RCN2: variants seen among roughly 807,000 people sequenced by gnomAD.
RCN2 encodes reticulocalbin 2.
Under a neutral mutation model 37.5 loss-of-function variants are expected in RCN2, and 23 were observed. That is an observed-to-expected ratio of 0.61 (90% CI 0.44 to 0.87). The LOEUF is 0.87. Ranked by LOEUF, RCN2 falls within the 40% of genes least tolerant of loss-of-function variation. RCN2 has a pLI of 0.00. For missense variants in RCN2, 381 were observed against 390.4 expected (o/e 0.98, Z 0.20); for synonymous variants, 140 against 144.6 (o/e 0.97, Z 0.23).
intron 2 of RCN2, among the ~76,000 whole-genome samples, chr15:76,933,307 A>G (rs748729860): frequency 6.6e-6 from 1 of 152,222 alleles, no homozygotes; most frequent in East Asian, 1.9e-4. Context: ...GCTGTTCACC[A>G]TCAAGGAATT....
intron 2 of RCN2, among the ~76,000 whole-genome samples, chr15:76,932,853 T>C (rs1281424713): frequency 2.0e-5 from 3 of 152,206 alleles, no homozygotes; most frequent in African/African-American, 7.2e-5. Flanking sequence ...ATTTGCTTCT[T>C]TTTTTAAGCA....
Position 76,948,033 on chromosome 15 carries a change from T to C in RCN2, c.659-377T>C, listed in dbSNP as rs189349141. The stretch of plus-strand genomic sequence containing the variant: ...GGTCACCAGTTTTACTTATTCTGAT[T>C]GTCACTTTAAAATTACACATGGCAT... On this transcript the variant is annotated intron_variant, in intron 5 of 6. Transcript: ENST00000394885. The C allele has an allele frequency of 2.6e-4, 43 of 164,766 alleles. No individual in the cohort carries two copies. In the East Asian group the frequency reaches 7.5e-3, roughly 29 times the overall value. The allele number at this position is 164,766 out of a possible 1,614,324, so 10.2% of individuals were successfully genotyped here.
Position 76,953,760 on chromosome 15 carries a change from AC to A in RCN2, c.*4540del, listed in dbSNP as rs1286129593. ...GTAGCTGGGACTATAGGCGCCTGCC[AC>A]CGCACCCGGCTAATTTTTTGTATTT... On this transcript the variant is annotated 3_prime_UTR_variant, in exon 7 of 7. Coordinates refer to ENST00000394885, the MANE Select transcript of RCN2 (RefSeq NM_002902.3). 6 of 39,998 alleles carry A rather than the reference AC, an allele frequency of 1.5e-4. No homozygotes were observed. The highest frequency in any genetic ancestry group is 6.0e-4 in the Non-Finnish European group (5 of 8,282). 2.5% of individuals were successfully genotyped at this position (39,998 alleles called of 1,614,324 possible).
chr15:76,943,724 G>A (rs886845272), intron 3 of RCN2, 34 bp from the exon 4 acceptor site: 2 of 1,087,578 alleles, frequency 1.8e-6, no homozygotes, highest in African/African-American at 1.6e-5. Context: ...TTAAAATGAT[G>A]TGGTATACTA....
At chr15:76,947,742 TC>T (rs2075302570) in intron 5 of RCN2, 2 of 437,416 alleles carry the variant, frequency 4.6e-6, no homozygotes, top group Non-Finnish European at 8.0e-6. Flanking sequence ...CAAACATTTT[TC>T]TTTCTTTTCA....
At chr15:76,941,714 C>T in intron 3 of RCN2, 2 of 1,269,928 alleles carry the variant, frequency 1.6e-6, no homozygotes, top group South Asian at 1.7e-5. Flanking sequence ...ATTTTGTGTT[C>T]TTCAAATGGC....
rs2075308008 is a variant in RCN2, at chr15:76,949,069, G to A, written c.802-1G>A. On this transcript the variant is annotated splice_acceptor_variant, in intron 6 of 6. Coordinates refer to ENST00000394885, the MANE Select transcript of RCN2 (RefSeq NM_002902.3). LOFTEE classifies it high-confidence loss of function. ...TGACACTTTTTTGTTTTATTTTGAA[G>A]GCGCTTCATCTAATTGATGAAATGG... 1 of 1,585,806 alleles carries A rather than the reference G, an allele frequency of 6.3e-7. No homozygotes were observed. The highest frequency in any genetic ancestry group is 1.4e-5 in the African/African-American group (1 of 73,186).
chr15:76,940,926 A>G (rs2075274486), intron 3 of RCN2, among the ~76,000 whole-genome samples: 1 of 152,194 alleles, frequency 6.6e-6, no homozygotes, highest in Non-Finnish European at 1.5e-5. Context: ...TCAGGCTGTG[A>G]AATGCCTGAA....
At chr15:76,934,362 G>C (rs1198622087) in intron 2 of RCN2, among the ~76,000 whole-genome samples, 1 of 151,842 alleles carries the variant, frequency 6.6e-6, no homozygotes, top group Admixed American at 6.6e-5. Context: ...GGCTGGTCTC[G>C]AAATCCTGAC....
chr15:76,940,703 C>T (rs2075273646), intron 3 of RCN2, among the ~76,000 whole-genome samples: 1 of 151,414 alleles, frequency 6.6e-6, no homozygotes, highest in South Asian at 2.1e-4. Flanking sequence ...CACGTGCCAC[C>T]ATACCTGGCT....
In RCN2 at chr15:76,932,001, C is replaced by T; in HGVS notation, c.144+16C>T. ...GGGCGTCCAGGTGAGGCGGCCAGGCCGGTGCTGGGAGGGCCGGGCCTCGCA... is the reference window on the plus strand; with the variant it reads ...GGGCGTCCAGGTGAGGCGGCCAGGCTGGTGCTGGGAGGGCCGGGCCTCGCA... On this transcript the variant is annotated intron_variant, in intron 1 of 6. Transcript: ENST00000394885. The T allele has an allele frequency of 8.0e-7, 1 of 1,256,382 alleles. No individual in the cohort carries two copies. The highest frequency in any genetic ancestry group is 1.0e-6 in the Non-Finnish European group (1 of 1,004,930). 77.8% of individuals were successfully genotyped at this position (1,256,382 alleles called of 1,614,324 possible).
chr15:76,932,086 GGGGCGGCCTGACAATGGGGGCC>G (rs2075225731), intron 1 of RCN2, 101 bp downstream of exon 1: 3 of 1,160,186 alleles, frequency 2.6e-6, no homozygotes. Context: ...AGGCCTGGCA[GGGGCGGCCTGACAATGGGGGCC>G]GGGCGGCGCG....
chr15:76,948,265 G>T, intron 5 of RCN2, 145 bp from the exon 6 acceptor site: 1 of 486,052 alleles, frequency 2.1e-6, no homozygotes, highest in Non-Finnish European at 3.5e-6. Context: ...CTTATGTCAG[G>T]ACTTTTCAGT....
chr15:76,947,279 A>G (rs535583735), intron 4 of RCN2, 142 bp from the exon 5 acceptor site: 8 of 578,666 alleles, frequency 1.4e-5, no homozygotes, highest in Admixed American at 6.7e-5. Context: ...CTGTATAAGT[A>G]CCTTACTAGC....
intron 4 of RCN2, among the ~76,000 whole-genome samples, chr15:76,945,622 G>T (rs533471682): frequency 2.6e-5 from 4 of 152,140 alleles, no homozygotes; most frequent in Admixed American, 6.5e-5. Flanking sequence ...TTTTAAAAAA[G>T]AGACTAAACA....
Position 76,932,419 on chromosome 15 carries a change from C to T in RCN2, c.203C>T (p.Ala68Val). 2 of 1,613,828 alleles carry T rather than the reference C, an allele frequency of 1.2e-6. No homozygotes were observed. Among genetic ancestry groups the T allele is most frequent in the Non-Finnish European group, 1.7e-6 (2 of 1,179,866 alleles). ...GHEEQQKRLQ[A>V]IIKKIDLDSD... ...GAAGAGCAGCAAAAAAGACTGCAGG[C>T]GATCATAAAGAAAATCGACTTGGAC... Residue 68 changes from alanine to valine, a missense_variant, in exon 2 of 7, where the codon GCG becomes GTG. Coordinates refer to ENST00000394885, the MANE Select transcript of RCN2 (RefSeq NM_002902.3).
intron 3 of RCN2, among the ~76,000 whole-genome samples, chr15:76,936,772 C>T (rs2075251542): frequency 6.6e-6 from 1 of 152,154 alleles, no homozygotes; most frequent in African/African-American, 2.4e-5. Context: ...GAACCAATTT[C>T]CCAGGAATGT....
intron 3 of RCN2, chr15:76,941,501 A>G (rs1297320060): frequency 4.6e-6 from 2 of 433,556 alleles, no homozygotes; most frequent in Non-Finnish European, 8.2e-6. Context: ...TCTAAAAATA[A>G]ATGATTATGG....
intron 2 of RCN2, among the ~76,000 whole-genome samples, chr15:76,935,210 A>G (rs2075241899): frequency 6.6e-6 from 1 of 152,124 alleles, no homozygotes; most frequent in Admixed American, 6.5e-5. Flanking sequence ...TGTAGTTCCA[A>G]CTACTCAGGA....
Sources: gnomAD v4.1 joint callset for allele counts (sites outside exome capture counted in the v4.1 genomes callset) on GRCh38, gnomAD v4.1.1 for gene constraint, MANE v1.5 for transcripts, NCBI Gene and HGNC (gene_info 2026-07-23, HGNC 2026-07-21) for gene names.